CCDC149: variants seen among roughly 807,000 people sequenced by gnomAD.
CCDC149 encodes the protein coiled-coil domain-containing protein 149.
A neutral mutation model predicts 59.9 loss-of-function variants in CCDC149; 45 were observed. The ratio of observed to expected loss-of-function variants is 0.75; its 90% CI spans 0.59 to 0.96. The LOEUF (loss-of-function observed/expected upper bound fraction) is 0.96, where lower values mean the gene tolerates loss of function less well. CCDC149 is among the 40% of genes least tolerant of loss of function. The pLI, the probability that CCDC149 is intolerant of heterozygous loss-of-function variation, is 0.00. For missense variants in CCDC149, 584 were observed against 664.7 expected, an observed-to-expected ratio of 0.88 and a Z score of 1.33; for synonymous variants, 245 against 260.6, an observed-to-expected ratio of 0.94 and a Z score of 0.58.
At chr4:24,906,415 A>ATTTTATTTTGTTTTAT (rs1207373356) in intron 1 of CCDC149, among the ~76,000 whole-genome samples, 1 of 126,508 alleles carries the variant, frequency 7.9e-6, no homozygotes, top group East Asian at 2.0e-4. Flanking sequence ...ATTTTACTTT[A>ATTTTATTTTGTTTTAT]TTTGAGACAG....
At position 24,876,518 on chromosome 4, in the gene CCDC149, G is replaced by A. The variant is rs756837496; in HGVS notation, c.225+18C>T. 4.2e-5 allele frequency: 67 copies of A among 1,604,708 alleles called. No individual in the cohort carries two copies. In the Admixed American group the frequency reaches 6.1e-4, roughly 15 times the overall value. On this transcript the variant is annotated intron_variant, in intron 2 of 12. Coordinates refer to ENST00000635206, the MANE Select transcript of CCDC149 (RefSeq NM_001330643.2). ...CAGGGAACAGGAAAGTCGCTGAACA[G>A]GGCAGCCTAACACTTACAATCAGCT...
rs141280652 is a variant in CCDC149 at position 24,864,537 on chromosome 4, G to A, written c.264+9144C>T. Among the ~76,000 whole-genome samples the A allele has an allele frequency of 4.6e-3, 707 of 152,170 alleles. 9 individuals carry two copies. The highest frequency in any genetic ancestry group is 0.016 in the African/African-American group (669 of 41,502). On this transcript the variant is annotated intron_variant, in intron 3 of 12. Coordinates refer to ENST00000635206, the MANE Select transcript of CCDC149 (RefSeq NM_001330643.2). ...CTCCCCACTCCCTGGCCCCCTACCTGCCAAATTATCCTTGAAAACCCCTAG... is the reference window on the plus strand; with the variant it reads ...CTCCCCACTCCCTGGCCCCCTACCTACCAAATTATCCTTGAAAACCCCTAG...
chr4:24,912,876 C>A lies in CCDC149; in HGVS notation c.4G>T (p.Glu2Ter). Residue 2 changes from glutamate to a stop codon, truncating the protein, a stop_gained, in exon 1 of 13, where the codon GAG (glutamate) becomes TAG (stop). It introduces an in-frame stop codon into an upstream open reading frame of the 5' UTR. Coordinates refer to ENST00000635206, the MANE Select transcript of CCDC149 (RefSeq NM_001330643.2). LOFTEE classifies it high-confidence loss of function. ...CGGTCGCCGTTCATGGCCTCCTCCT[C>A]CATGCGCTGGCCGGCCTCCTGGACC... 1 of 1,362,898 alleles carries A rather than the reference C, an allele frequency of 7.3e-7. No homozygotes were observed. Among genetic ancestry groups the A allele is most frequent in the South Asian group, 1.5e-5 (1 of 67,922 alleles). 84.4% of individuals were successfully genotyped at this position (1,362,898 alleles called of 1,614,324 possible).
chr4:24,878,737 T>C (rs189792997), intron 1 of CCDC149, among the ~76,000 whole-genome samples: 70 of 152,308 alleles, frequency 4.6e-4, no homozygotes, highest in Non-Finnish European at 9.4e-4. Flanking sequence ...AAAATCCTCA[T>C]GCATGAAGAC....
intron 1 of CCDC149, among the ~76,000 whole-genome samples, chr4:24,880,015 CA>C (rs1339463262): frequency 6.6e-6 from 1 of 152,190 alleles, no homozygotes; most frequent in African/African-American, 2.4e-5. Flanking sequence ...GTGTCTGTGC[CA>C]TCTTTTGTAG....
chr4:24,934,011 A>G (rs1218543655), intron 1 of CCDC149, among the ~76,000 whole-genome samples: 13 of 152,210 alleles, frequency 8.5e-5, no homozygotes, highest in Non-Finnish European at 2.9e-5. Flanking sequence ...GTCACCCTCC[A>G]TGGTGTCATT....
In CCDC149 at chr4:24,831,653, A is replaced by T. The variant is rs1716162382; in HGVS notation, c.821-3T>A. On this transcript the variant is annotated splice_polypyrimidine_tract_variant and splice_region_variant and intron_variant, in intron 8 of 12. Coordinates refer to ENST00000635206, the MANE Select transcript of CCDC149 (RefSeq NM_001330643.2). Reference sequence around the variant, plus strand: ...ATCCTCAGATAGCAGATCCTGAACTAGATAGGATACAAAATGTATAACTCA... The same window carrying T: ...ATCCTCAGATAGCAGATCCTGAACTTGATAGGATACAAAATGTATAACTCA... 6.2e-7 allele frequency: 1 copy of T among 1,612,160 alleles called. No individual in the cohort carries two copies. Among genetic ancestry groups the T allele is most frequent in the South Asian group, 1.1e-5 (1 of 90,572 alleles).
chr4:24,829,921 G>C (rs891357490), intron 9 of CCDC149: 1 of 152,452 alleles, frequency 6.6e-6, no homozygotes, highest in Non-Finnish European at 1.5e-5. Context: ...AAGGCAGCAG[G>C]GTTTAGGAAA....
At chr4:24,897,825 C>T (rs1259316540) in intron 1 of CCDC149, among the ~76,000 whole-genome samples, 1 of 152,196 alleles carries the variant, frequency 6.6e-6, no homozygotes, top group East Asian at 1.9e-4. Flanking sequence ...TCAGAAGAGG[C>T]CGCAGAAATG....
At chr4:24,828,243 C>T (rs923442373) in intron 9 of CCDC149, 9 of 145,952 alleles carry the variant, frequency 6.2e-5, no homozygotes, top group African/African-American at 2.3e-4. Flanking sequence ...AAAAAAGAAA[C>T]CTTTTTAAAA....
chr4:24,940,955 T>C (rs940411635), intron 1 of CCDC149, among the ~76,000 whole-genome samples: 1 of 152,180 alleles, frequency 6.6e-6, no homozygotes, highest in Non-Finnish European at 1.5e-5. Flanking sequence ...TGGGAGACTT[T>C]AACACCCCAC....
intron 9 of CCDC149, among the ~76,000 whole-genome samples, chr4:24,826,679 A>G (rs1715765261): frequency 6.6e-6 from 1 of 152,184 alleles, no homozygotes; most frequent in Non-Finnish European, 1.5e-5. Flanking sequence ...GGGTTGGTCA[A>G]TATTGTCTTA....
At chr4:24,933,982 G>GCTC (rs2109343788) in intron 1 of CCDC149, among the ~76,000 whole-genome samples, 1 of 152,266 alleles carries the variant, frequency 6.6e-6, no homozygotes, top group South Asian at 2.1e-4. Flanking sequence ...ATGCCTCAGG[G>GCTC]CTCCTTCATG....
At chr4:24,813,524 ATAT>A (rs1294311220) in intron 12 of CCDC149, among the ~76,000 whole-genome samples, 12,091 of 126,488 alleles carry the variant, frequency 0.096, 769 homozygotes, top group Admixed American at 0.14. Flanking sequence ...ATATATATAT[ATAT>A]AAAACCTAAA....
intron 1 of CCDC149, 57 bp downstream of exon 1, chr4:24,912,760 C>G: frequency 8.6e-7 from 1 of 1,165,622 alleles, no homozygotes. Flanking sequence ...GGCGCGGGCC[C>G]GGGGCTGGCG....
At position 24,819,939 on chromosome 4, in the gene CCDC149, A is replaced by G. The variant is rs1715270282; in HGVS notation, c.1112T>C (p.Leu371Pro). 6.4e-7 allele frequency: 1 copy of G among 1,551,488 alleles called. No homozygotes were observed. Among genetic ancestry groups the G allele is most frequent in the Admixed American group, 2.0e-5 (1 of 50,966 alleles). The change falls in exon 12 of 13, where the codon CTT (leucine) becomes CCT (proline). Residue 371 changes from leucine (L) to proline (P), a missense_variant. Physicochemically the swap from Leu to Pro is moderately conservative, Grantham distance 98. Coordinates refer to ENST00000635206, the MANE Select transcript of CCDC149 (RefSeq NM_001330643.2). The stretch of plus-strand genomic sequence containing the variant: ...GGATCTCGACCTCTGTCCACTAGGA[A>G]GAGTGGGGTCGCTGAACAGTATGGT...
At chr4:24,897,848 G>C (rs1692888712) in intron 1 of CCDC149, among the ~76,000 whole-genome samples, 1 of 152,216 alleles carries the variant, frequency 6.6e-6, no homozygotes, top group African/African-American at 2.4e-5. Flanking sequence ...AGCTGCCCAG[G>C]CTTGACTGAG....
intron 8 of CCDC149, among the ~76,000 whole-genome samples, chr4:24,833,311 T>A (rs1560207633): frequency 6.6e-6 from 1 of 152,136 alleles, no homozygotes; most frequent in Non-Finnish European, 1.5e-5. Flanking sequence ...GATGGCTGCT[T>A]TGTAGTCTGT....
chr4:24,836,817 C>G (rs1716563520), intron 6 of CCDC149, among the ~76,000 whole-genome samples: 1 of 152,142 alleles, frequency 6.6e-6, no homozygotes, highest in Non-Finnish European at 1.5e-5. Context: ...GGAAGAGAGG[C>G]AGGAAGAGGC....
Sources: allele counts gnomAD v4.1 joint callset (sites outside exome capture counted in the v4.1 genomes callset), GRCh38; gene constraint gnomAD v4.1.1; transcripts MANE v1.5; gene names NCBI Gene and HGNC (gene_info 2026-07-23, HGNC 2026-07-21).